The following TSPAN32 variants were observed in gnomAD, a reference collection of about 807,000 sequenced individuals.
TSPAN32 encodes tetraspanin-32.
Under a neutral mutation model 42.7 loss-of-function variants are expected in TSPAN32, and 47 were observed. The observed-to-expected ratio is 1.10, with a 90% CI of 0.87 to 1.40. The LOEUF (loss-of-function observed/expected upper bound fraction) is 1.40, where lower values mean the gene tolerates loss of function less well. Among genes scored for constraint, TSPAN32 ranks in the 40% most tolerant of loss-of-function variants. TSPAN32 has a pLI of 0.00. For missense variants in TSPAN32, 469 were observed against 424.1 expected (o/e 1.11, Z -0.93); for synonymous variants, 175 against 175.9 (o/e 0.99, Z 0.04).
chr11:2,316,817 C>G (rs1044698750), intron 8 of TSPAN32, 150 bp downstream of exon 8: 2 of 858,570 alleles, frequency 2.3e-6, no homozygotes, highest in East Asian at 5.7e-5. Flanking sequence ...GGCTGAGCAC[C>G]AGGGTGGGGT....
intron 4 of TSPAN32, among the ~76,000 whole-genome samples, chr11:2,312,133 GTAA>G (rs1443239336): frequency 3.3e-5 from 5 of 152,228 alleles, no homozygotes; most frequent in Admixed American, 3.3e-4. Flanking sequence ...CCATGCTGTG[GTAA>G]TAATGACACC....
At chr11:2,312,350 C>T (rs1848510378) in intron 4 of TSPAN32, among the ~76,000 whole-genome samples, 1 of 152,248 alleles carries the variant, frequency 6.6e-6, no homozygotes, top group Non-Finnish European at 1.5e-5. Flanking sequence ...CCATTTCACA[C>T]TCACAGACGC....
intron 4 of TSPAN32, chr11:2,309,321 C>T (rs922455919): frequency 4.3e-6 from 2 of 470,134 alleles, no homozygotes; most frequent in Non-Finnish European, 8.8e-6. Flanking sequence ...CACGGAACAG[C>T]ACCCATCCTT....
intron 3 of TSPAN32, chr11:2,306,979 AG>A (rs1848156223): frequency 2.5e-5 from 3 of 118,098 alleles, no homozygotes; most frequent in African/African-American, 9.9e-5. Flanking sequence ...GAAAGAGAAA[AG>A]AGGAAAGAAG....
At chr11:2,316,029 C>G in intron 6 of TSPAN32, 200 bp from the exon 7 acceptor site, 1 of 1,534,286 alleles carries the variant, frequency 6.5e-7, no homozygotes, top group Non-Finnish European at 8.7e-7. Context: ...CAGAGGCCAG[C>G]CCTGTCCCAC....
intron 4 of TSPAN32, among the ~76,000 whole-genome samples, chr11:2,311,632 C>T (rs1478001975): frequency 6.6e-6 from 1 of 152,200 alleles, no homozygotes; most frequent in South Asian, 2.1e-4. Flanking sequence ...CCCCACCTGC[C>T]GTTCAGGACC....
intron 6 of TSPAN32, chr11:2,315,097 T>C: frequency 2.3e-6 from 1 of 435,664 alleles, no homozygotes; most frequent in South Asian, 2.7e-5. Flanking sequence ...CAGGAAGCCT[T>C]TCCTCCCCAG....
chr11:2,302,662 G>C (rs915932985), intron 1 of TSPAN32, 182 bp from the exon 2 acceptor site: 19 of 606,770 alleles, frequency 3.1e-5, no homozygotes, highest in Non-Finnish European at 5.3e-5. Flanking sequence ...TGAGTGTGCT[G>C]GGGCGTCTGC....
At position 2,304,671 on chromosome 11, in the gene TSPAN32, C is replaced by T. The variant is rs12807061; in HGVS notation, c.279+467C>T. Among the ~76,000 whole-genome samples the T allele has an allele frequency of 0.85, 128,108 of 151,332 alleles. 55,317 individuals are homozygous for T. The highest frequency in any genetic ancestry group is 0.95 in the African/African-American group (38,970 of 41,206). ...CGCCCCTTGAGCTCTCCAGCCTGGG[C>T]TCTCCGGAGCTGCACACTCTCCTTC... On this transcript the variant is annotated intron_variant, in intron 3 of 9. Transcript: ENST00000182290. The surrounding 1 kb of genome is among the most constrained non-coding windows in gnomAD (Gnocchi z 4.8).
chr11:2,302,273 T>G (rs1847796884), intron 1 of TSPAN32, 58 bp downstream of exon 1: 5,399 of 1,062,508 alleles, frequency 5.1e-3, no homozygotes, highest in Non-Finnish European at 5.9e-3. Flanking sequence ...GGGTGAGGGG[T>G]GGCAGGGCCT....
chr11:2,317,554 T>G lies in TSPAN32; in HGVS notation c.901+29T>G. 6.5e-7 allele frequency: 1 copy of G among 1,549,704 alleles called. No individual in the cohort carries two copies. Among genetic ancestry groups the G allele is most frequent in the South Asian group, 1.2e-5 (1 of 84,990 alleles). On this transcript the variant is annotated intron_variant, in intron 9 of 9. Transcript: ENST00000182290. This position sits in a 1 kb window ranked among gnomAD's most constrained non-coding sequence, Gnocchi z 6.2. ...AAGACGCCCCTGCTGTCAGCCCTCA[T>G]GGGATCCCTGAGGGGAGGGTCCGAG... is the stretch of plus-strand genomic sequence containing the variant.
At chr11:2,315,833 G>T in intron 6 of TSPAN32, 1 of 1,355,526 alleles carries the variant, frequency 7.4e-7, no homozygotes, top group Non-Finnish European at 9.8e-7. Flanking sequence ...CTGGCTTCCT[G>T]CCCTCCCTGT....
In TSPAN32 at chr11:2,304,347, C is replaced by T; in HGVS notation, c.279+143C>T. On this transcript the variant is annotated intron_variant, in intron 3 of 9. Coordinates refer to ENST00000182290, the MANE Select transcript of TSPAN32 (RefSeq NM_139022.3). The surrounding 1 kb of genome is among the most constrained non-coding windows in gnomAD (Gnocchi z 4.8). Reference sequence around the variant, plus strand: ...CCAGGGATGCTGGCCAGCCGAGACCCCCACGTCAACCCCACACCTGAGTAT... The same window carrying T: ...CCAGGGATGCTGGCCAGCCGAGACCTCCACGTCAACCCCACACCTGAGTAT... The T allele has an allele frequency of 1.6e-6, 1 of 612,682 alleles. No individual in the cohort carries two copies. Among genetic ancestry groups the T allele is most frequent in the Admixed American group, 3.1e-5 (1 of 32,432 alleles). 38.0% of individuals were successfully genotyped at this position (612,682 alleles called of 1,614,324 possible).
rs943730655 is a variant in TSPAN32, at chr11:2,313,251, T to C, written c.355-403T>C. Among the ~76,000 whole-genome samples the C allele has an allele frequency of 6.6e-6, 1 of 152,202 alleles. No individual in the cohort carries two copies. The highest frequency in any genetic ancestry group is 2.4e-5 in the African/African-American group (1 of 41,442). On this transcript the variant is annotated intron_variant, in intron 4 of 9. Coordinates refer to ENST00000182290, the MANE Select transcript of TSPAN32 (RefSeq NM_139022.3). The surrounding 1 kb of genome is among the most constrained non-coding windows in gnomAD (Gnocchi z 9.1). Reference sequence around the variant, plus strand: ...CCAAGCTTTCTGGGAGCTGAGGTCCTGGCACAGGGTCTCTCAAGCCTTTTC... The same window carrying C: ...CCAAGCTTTCTGGGAGCTGAGGTCCCGGCACAGGGTCTCTCAAGCCTTTTC...
In TSPAN32 at chr11:2,308,388, C is replaced by T. The variant is rs534636924; in HGVS notation, c.280-348C>T. Among the ~76,000 whole-genome samples, 10 of 148,666 alleles carry T rather than the reference C, an allele frequency of 6.7e-5. No homozygotes were observed. The East Asian group carries it at 2.0e-3, about 30-fold the overall frequency. ...CCCCACCAGGCCCCGCAGTGACTGC[C>T]CCCACCCCCGCAGTGACCACCCCCC... On this transcript the variant is annotated intron_variant, in intron 3 of 9. Transcript: ENST00000182290.
chr11:2,313,120 T>C lies in TSPAN32; in HGVS notation c.355-534T>C, dbSNP rs1208966378. ...CACAGTGGCCTCGTCCACCCAGATC[T>C]GGCCTCAGGTGCCCAAGGCTTCTCT... On this transcript the variant is annotated intron_variant, in intron 4 of 9. Transcript: ENST00000182290. The surrounding 1 kb of genome is among the most constrained non-coding windows in gnomAD (Gnocchi z 9.1). Among the ~76,000 whole-genome samples the C allele has an allele frequency of 6.6e-6, 1 of 152,122 alleles. No homozygotes were observed. The highest frequency in any genetic ancestry group is 2.4e-5 in the African/African-American group (1 of 41,432).
chr11:2,316,962 C>T (rs1404648857), intron 8 of TSPAN32, among the ~76,000 whole-genome samples: 2 of 152,030 alleles, frequency 1.3e-5, no homozygotes, highest in African/African-American at 4.8e-5. Flanking sequence ...AGCCCCAGGC[C>T]AGGATCTCTG....
In TSPAN32 at chr11:2,317,606, C is replaced by T. The variant is rs897028391; in HGVS notation, c.901+81C>T. 1 of 1,503,954 alleles carries T rather than the reference C, an allele frequency of 6.6e-7. No individual in the cohort carries two copies. Among genetic ancestry groups the T allele is most frequent in the South Asian group, 1.3e-5 (1 of 79,576 alleles). The allele number at this position is 1,503,954 out of a possible 1,614,324, so 93.2% of individuals were successfully genotyped here. ...TGTGAGGAGGGAAGGGAGTGAAGGC[C>T]CAGCCAGAGAGCCAGGCTCCATTGG... On this transcript the variant is annotated intron_variant, in intron 9 of 9. Coordinates refer to ENST00000182290, the MANE Select transcript of TSPAN32 (RefSeq NM_139022.3). The surrounding 1 kb of genome is among the most constrained non-coding windows in gnomAD (Gnocchi z 6.2).
At chr11:2,315,586 T>G in intron 6 of TSPAN32, 1 of 1,175,208 alleles carries the variant, frequency 8.5e-7, no homozygotes, top group East Asian at 5.9e-5. Flanking sequence ...TGGGCTGGCA[T>G]GGGCGGGAGG....
Sources: allele counts gnomAD v4.1 joint callset (sites outside exome capture counted in the v4.1 genomes callset), GRCh38; gene constraint gnomAD v4.1.1; non-coding constraint Gnocchi (gnomAD v3.1); transcripts MANE v1.5; gene names NCBI Gene and HGNC (gene_info 2026-07-23, HGNC 2026-07-21).